SLC16A3: variants seen among roughly 807,000 people sequenced by gnomAD.
SLC16A3 encodes the protein solute carrier family 16 member 3.
Under a neutral mutation model 25.0 loss-of-function variants are expected in SLC16A3, and 22 were observed. The observed-to-expected ratio is 0.88, with a 90% CI of 0.63 to 1.26. The LOEUF is 1.26. SLC16A3 is among the 50% of genes most tolerant of loss of function. SLC16A3 has a pLI of 0.00. For synonymous variants in SLC16A3, 390 were observed against 309.2 expected, an observed-to-expected ratio of 1.26 and a Z score of -2.74; for missense variants, 731 against 666.6, an observed-to-expected ratio of 1.10 and a Z score of -1.06.
upstream of SLC16A3, among the ~76,000 whole-genome samples, chr17:82,226,838 G>A (rs111501694): frequency 8.2e-3 from 1,248 of 152,252 alleles, 20 homozygotes; most frequent in African/African-American, 0.029. Context: ...CCAGGCTCCG[G>A]GTGAGCTGTC....
chr17:82,223,839 G>C (rs2050403402), upstream of SLC16A3, among the ~76,000 whole-genome samples: 1 of 151,978 alleles, frequency 6.6e-6, no homozygotes, highest in South Asian at 2.1e-4. Context: ...GAATGTTCCA[G>C]CAGCATTGAC....
chr17:82,220,885 G>A (rs907954649), intron 1 of SLC16A3, among the ~76,000 whole-genome samples: 27 of 152,042 alleles, frequency 1.8e-4, no homozygotes, highest in Non-Finnish European at 2.9e-4. Flanking sequence ...ATGCAGTGGC[G>A]CAATCCCAGC....
chr17:82,234,276 G>A (rs2050559059), intron 1 of SLC16A3: 1 of 141,144 alleles, frequency 7.1e-6, no homozygotes, highest in African/African-American at 2.9e-5. Context: ...AAGGTGGTGT[G>A]TCCTGAGGCG....
chr17:82,231,366 C>T (rs1199264373), intron 1 of SLC16A3: 1 of 152,300 alleles, frequency 6.6e-6, no homozygotes, highest in East Asian at 1.9e-4. Context: ...CACCTCCCGC[C>T]TTCCTGCCTC....
intron 1 of SLC16A3, chr17:82,231,108 C>T (rs950283415): frequency 6.6e-6 from 1 of 152,154 alleles, no homozygotes; most frequent in Non-Finnish European, 1.5e-5. Context: ...GGGGGCTCCT[C>T]CCATGGCGCG....
intron 1 of SLC16A3, among the ~76,000 whole-genome samples, chr17:82,233,504 C>T (rs896513325): frequency 7.9e-5 from 12 of 152,178 alleles, no homozygotes; most frequent in Non-Finnish European, 1.5e-4. Context: ...CCTGCCTCCC[C>T]ACACGCCCTC....
chr17:82,227,611 G>GC (rs1407582925), upstream of SLC16A3, among the ~76,000 whole-genome samples: 12 of 100,686 alleles, frequency 1.2e-4, 1 homozygote, highest in African/African-American at 3.4e-4. Flanking sequence ...ACCTGCCCTG[G>GC]GCGGGAGCAC....
chr17:82,235,792 C>T, intron 1 of SLC16A3, 191 bp from the exon 2 acceptor site: 1 of 596,924 alleles, frequency 1.7e-6, no homozygotes, highest in Non-Finnish European at 3.0e-6. Flanking sequence ...GGGAGTGGGA[C>T]CCACAGCTGC....
chr17:82,236,117 G>C lies in SLC16A3; in HGVS notation c.109G>C (p.Ala37Pro). The C allele has an allele frequency of 6.2e-7, 1 of 1,613,170 alleles. No homozygotes were observed. Among genetic ancestry groups the C allele is most frequent in the Non-Finnish European group, 8.5e-7 (1 of 1,179,954 alleles). The change falls in exon 2 of 5, where the codon GCC (alanine) becomes CCC (proline). Residue 37 changes from alanine (A) to proline (P), a missense_variant. Transcript: ENST00000582743. ...GCFVITGFSY[A>P]FPKAVSVFFK... is the part of the protein sequence containing the mutation. ...TTTCGTCATCACTGGCTTCTCCTAC[G>C]CCTTCCCCAAGGCCGTCAGTGTCTT... is the stretch of plus-strand genomic sequence containing the variant.
At chr17:82,226,005 C>T (rs937932271), upstream of SLC16A3, among the ~76,000 whole-genome samples, 1 of 151,768 alleles carries the variant, frequency 6.6e-6, no homozygotes, top group Non-Finnish European at 1.5e-5. Context: ...CCTTCCTGCC[C>T]GCCCCCCTCC....
chr17:82,233,203 A>G (rs1477788173), intron 1 of SLC16A3, among the ~76,000 whole-genome samples: 3 of 152,168 alleles, frequency 2.0e-5, no homozygotes, highest in Admixed American at 2.0e-4. Context: ...GCCCCTGGAC[A>G]CCAGGCTGGA....
chr17:82,224,869 T>G (rs1047194920), upstream of SLC16A3, among the ~76,000 whole-genome samples: 6 of 152,124 alleles, frequency 3.9e-5, no homozygotes, highest in African/African-American at 7.2e-5. Flanking sequence ...CCAAACCCCA[T>G]GACCAACACC....
chr17:82,235,606 T>C (rs981350947), intron 1 of SLC16A3: 1 of 272,880 alleles, frequency 3.7e-6, no homozygotes, highest in Non-Finnish European at 7.3e-6. Context: ...AGAATCATGG[T>C]GTGCGTGGTC....
intron 1 of SLC16A3, among the ~76,000 whole-genome samples, chr17:82,219,003 G>A (rs1487237113): frequency 1.3e-5 from 2 of 152,188 alleles, no homozygotes; most frequent in Admixed American, 1.3e-4. Flanking sequence ...AGCCCAGCAG[G>A]ACTGAGGGTC....
chr17:82,221,663 A>C (rs2050389796), intron 1 of SLC16A3, among the ~76,000 whole-genome samples: 1 of 152,162 alleles, frequency 6.6e-6, no homozygotes. Context: ...ATGAAAAGAT[A>C]CTCAACATCA....
rs747425856 is a variant in SLC16A3 at position 82,237,550 on chromosome 17, C to T, written c.780C>T (p.Asp260=). 1.2e-5 allele frequency: 19 copies of T among 1,611,124 alleles called. 1 individual carries two copies. The highest frequency in any genetic ancestry group is 1.5e-5 in the Non-Finnish European group (18 of 1,178,816). The change falls in exon 4 of 5, where the codon GAC becomes GAT. Residue 260 remains aspartate, a synonymous_variant. Coordinates refer to ENST00000582743, the MANE Select transcript of SLC16A3 (RefSeq NM_004207.4). The stretch of plus-strand genomic sequence containing the variant: ...ACGCCAAGGACCTGGGCGTGCCCGA[C>T]ACCAAGGCCGCCTTCCTGCTCACCA... ...VSYAKDLGVP[D]TKAAFLLTIL...
In SLC16A3 at chr17:82,236,661, A is replaced by G. The variant is rs780940269; in HGVS notation, c.224-68A>G. 2.5e-5 allele frequency: 39 copies of G among 1,565,738 alleles called. No individual in the cohort carries two copies. The South Asian group carries it at 4.0e-4, about 16-fold the overall frequency. On this transcript the variant is annotated intron_variant, in intron 2 of 4. Coordinates refer to ENST00000582743, the MANE Select transcript of SLC16A3 (RefSeq NM_004207.4). ...AAGGGGAGGCCGGCTCCAGGCTGTG[A>G]GCTCAGTCGGCTGGCGGGGGTAGAG... is the stretch of plus-strand genomic sequence containing the variant.
intron 1 of SLC16A3, 134 bp from the exon 2 acceptor site, chr17:82,235,849 G>A (rs2050587224): frequency 7.9e-6 from 5 of 631,962 alleles, no homozygotes; most frequent in Admixed American, 5.3e-5. Context: ...CCAGGTCAGG[G>A]GGCCACAAGT....
chr17:82,224,162 A>ACC (rs200669968), upstream of SLC16A3, among the ~76,000 whole-genome samples: 1,991 of 62,794 alleles, frequency 0.032, 416 homozygotes, highest in Middle Eastern at 0.054. Flanking sequence ...ACACCCCTAC[A>ACC]CCCGTGCAGA....
Sources: gnomAD v4.1 joint callset for allele counts (sites outside exome capture counted in the v4.1 genomes callset) on GRCh38, gnomAD v4.1.1 for gene constraint, MANE v1.5 for transcripts, NCBI Gene and HGNC (gene_info 2026-07-23, HGNC 2026-07-21) for gene names.